TLN2: variants seen among roughly 807,000 people sequenced by gnomAD.
TLN2 encodes talin-2.
TLN2 carries 118 observed loss-of-function variants against 294.7 expected under a neutral mutation model. The observed-to-expected ratio is 0.40, with a 90% CI of 0.34 to 0.47. The LOEUF is 0.47. TLN2 is among the 20% of genes least tolerant of loss of function. The probability of loss-of-function intolerance (pLI) is 0.84; values close to 1 mark genes in which losing one functional copy is unlikely to be tolerated. For synonymous variants in TLN2, 1,431 were observed against 1,304.5 expected (o/e 1.10, Z -2.09); for missense variants, 3,083 against 3,282.2 (o/e 0.94, Z 1.48).
At chr15:62,766,217 C>G in intron 40 of TLN2, 104 bp from the exon 41 acceptor site, 1 of 953,514 alleles carries the variant, frequency 1.0e-6, no homozygotes, top group Non-Finnish European at 1.6e-6. Context: ...ATTCTAATGT[C>G]TGCTTTGTGT....
At chr15:62,455,098 A>C (rs192938799) in intron 1 of TLN2, among the ~76,000 whole-genome samples, 2 of 151,678 alleles carry the variant, frequency 1.3e-5, no homozygotes, top group African/African-American at 4.8e-5. Context: ...ATAAATAACT[A>C]TTTTTAAAGG....
intron 1 of TLN2, among the ~76,000 whole-genome samples, chr15:62,546,598 G>A (rs901896718): frequency 6.6e-6 from 1 of 152,154 alleles, no homozygotes; most frequent in South Asian, 2.1e-4. Flanking sequence ...CTATCCAGTT[G>A]CAAGGACAGC....
intron 1 of TLN2, among the ~76,000 whole-genome samples, chr15:62,494,982 G>C (rs916406557): frequency 6.6e-6 from 1 of 152,172 alleles, no homozygotes; most frequent in South Asian, 2.1e-4. Context: ...AGGCAATACT[G>C]GGTAAAGGAG....
At chr15:62,425,153 G>GTGT (rs952673554) in intron 1 of TLN2, among the ~76,000 whole-genome samples, 4 of 152,082 alleles carry the variant, frequency 2.6e-5, no homozygotes, top group African/African-American at 9.6e-5. Flanking sequence ...GGGTTATGCT[G>GTGT]TGTTGGCCAG....
At chr15:62,726,263 G>C (rs1339924074) in intron 27 of TLN2, among the ~76,000 whole-genome samples, 1 of 152,206 alleles carries the variant, frequency 6.6e-6, no homozygotes, top group African/African-American at 2.4e-5. Context: ...CATATTGTTT[G>C]CTATAATGGA....
intron 1 of TLN2, among the ~76,000 whole-genome samples, chr15:62,520,763 A>G (rs531066462): frequency 4.6e-5 from 7 of 152,272 alleles, no homozygotes; most frequent in East Asian, 3.9e-4. Context: ...TTTAAAGTGT[A>G]TATCTGTTTT....
intron 54 of TLN2, among the ~76,000 whole-genome samples, chr15:62,827,312 A>G (rs1466339464): frequency 1.3e-5 from 2 of 151,996 alleles, no homozygotes; most frequent in Non-Finnish European, 2.9e-5. Context: ...GCAGTGGGGG[A>G]TGTTGGTAAG....
In TLN2 at chr15:62,430,934, C is replaced by CAAAAAA. The variant is rs10649000; in HGVS notation, c.-238+40256_-238+40261dup. Among the ~76,000 whole-genome samples the CAAAAAA allele has an allele frequency of 1.9e-4, 28 of 143,692 alleles. 1 individual carries two copies. The highest frequency in any genetic ancestry group is 1.5e-3 in the Admixed American group (21 of 14,416). 94.3% of individuals were successfully genotyped at this position (143,692 alleles called of 152,430 possible). On this transcript the variant is annotated intron_variant, in intron 1 of 58. Coordinates refer to ENST00000636159, the MANE Select transcript of TLN2 (RefSeq NM_015059.3). ...GAGAAAGATGATAAACAGGAAAAGC[C>CAAAAAA]AAAAAAAAAAAATACACAAAAACAC...
At chr15:62,548,462 A>G (rs1283634161) in intron 1 of TLN2, among the ~76,000 whole-genome samples, 2 of 152,200 alleles carry the variant, frequency 1.3e-5, no homozygotes, top group East Asian at 1.9e-4. Context: ...AAAAAGACCT[A>G]CTTTTCAAGT....
chr15:62,595,287 G>A (rs1218445948), intron 2 of TLN2, among the ~76,000 whole-genome samples: 2 of 152,098 alleles, frequency 1.3e-5, no homozygotes, highest in Non-Finnish European at 2.9e-5. Context: ...AGACGTGGTG[G>A]TGGGCGCCTG....
At chr15:62,535,854 G>A (rs1021624949) in intron 1 of TLN2, among the ~76,000 whole-genome samples, 5 of 152,278 alleles carry the variant, frequency 3.3e-5, no homozygotes, top group South Asian at 2.1e-4. Context: ...TACCTGGCCA[G>A]TATGTTTTAA....
intron 3 of TLN2, among the ~76,000 whole-genome samples, 156 bp from the exon 4 acceptor site, chr15:62,647,119 A>G (rs1420762096): frequency 2.6e-5 from 4 of 152,114 alleles, no homozygotes; most frequent in Non-Finnish European, 5.9e-5. Context: ...TTGATTTGTA[A>G]AATTTGTTTT....
intron 1 of TLN2, among the ~76,000 whole-genome samples, chr15:62,450,425 G>A (rs1020368625): frequency 3.4e-5 from 5 of 147,502 alleles, no homozygotes; most frequent in East Asian, 2.1e-4. Flanking sequence ...ATAGATAGTC[G>A]CCTGTAGGAG....
Position 62,800,682 on chromosome 15 carries a change from C to G in TLN2, c.6390C>G (p.Leu2130=). Residue 2130 remains leucine (L), a synonymous_variant, in exon 50 of 59, where the codon CTC becomes CTG. Coordinates refer to ENST00000636159, the MANE Select transcript of TLN2 (RefSeq NM_015059.3). ...TGGTGACCAATGTCACCTCGCTCCT[C>G]AAGACTGTAAAGGCAGTGGAGGATG... The part of the protein sequence containing the change: ...KVMVTNVTSL[L]KTVKAVEDEA... The G allele has an allele frequency of 6.2e-7, 1 of 1,614,182 alleles. No individual in the cohort carries two copies. The highest frequency in any genetic ancestry group is 8.5e-7 in the Non-Finnish European group (1 of 1,180,022).
At chr15:62,604,131 C>A (rs2140792897) in intron 2 of TLN2, among the ~76,000 whole-genome samples, 1 of 151,954 alleles carries the variant, frequency 6.6e-6, no homozygotes, top group South Asian at 2.1e-4. Flanking sequence ...TTATAAAAAC[C>A]ATTCTTAGCT....
chr15:62,426,933 T>C (rs1262401575), intron 1 of TLN2, among the ~76,000 whole-genome samples: 2 of 152,176 alleles, frequency 1.3e-5, no homozygotes, highest in Non-Finnish European at 2.9e-5. Flanking sequence ...AATCTGCATT[T>C]TTATTAGTAA....
Position 62,595,273 on chromosome 15 carries a change from A to G in TLN2, c.-162+5511A>G, listed in dbSNP as rs150657814. ...CGTCTCTACTGAAAATACAAAAATT[A>G]ACCAGACGTGGTGGTGGGCGCCTGT... On this transcript the variant is annotated intron_variant, in intron 2 of 58. Transcript: ENST00000636159. Among the ~76,000 whole-genome samples the G allele has an allele frequency of 5.5e-4, 84 of 152,178 alleles. 2 individuals are homozygous for G. In the East Asian group the frequency reaches 0.015, roughly 26 times the overall value.
chr15:62,555,819 G>C (rs1301520125), intron 1 of TLN2, among the ~76,000 whole-genome samples: 1 of 151,864 alleles, frequency 6.6e-6, no homozygotes, highest in Non-Finnish European at 1.5e-5. Flanking sequence ...TCCTGTTCTA[G>C]TGATAATAGA....
At position 62,766,436 on chromosome 15, in the gene TLN2, A is replaced by T. The variant is rs1340335622; in HGVS notation, c.5196+14A>T. Reference sequence around the variant, plus strand: ...CTGGGACATAAGGTAATGCACACCGAGGGGATCCTGCGAGGGTGTGCGTGT... The same window carrying T: ...CTGGGACATAAGGTAATGCACACCGTGGGGATCCTGCGAGGGTGTGCGTGT... On this transcript the variant is annotated intron_variant, in intron 41 of 58. Transcript: ENST00000636159. The T allele has an allele frequency of 6.3e-7, 1 of 1,597,500 alleles. No individual in the cohort carries two copies.
Sources: gnomAD v4.1 joint callset for allele counts (sites outside exome capture counted in the v4.1 genomes callset) on GRCh38, gnomAD v4.1.1 for gene constraint, MANE v1.5 for transcripts, NCBI Gene and HGNC (gene_info 2026-07-23, HGNC 2026-07-21) for gene names.